PRKCE: variants seen among roughly 807,000 people sequenced by gnomAD.
PRKCE encodes protein kinase C epsilon, also known as protein kinase C epsilon type.
A neutral mutation model predicts 85.4 loss-of-function variants in PRKCE; 16 were observed. The ratio of observed to expected loss-of-function variants is 0.19; its 90% CI spans 0.13 to 0.28. The LOEUF is 0.28. PRKCE is among the 10% of genes least tolerant of loss of function. The pLI, the probability that PRKCE is intolerant of heterozygous loss-of-function variation, is 1.00. For missense variants in PRKCE, 573 were observed against 975.2 expected (o/e 0.59, Z 5.49); for synonymous variants, 388 against 371.5 (o/e 1.04, Z -0.51).
intron 1 of PRKCE, among the ~76,000 whole-genome samples, chr2:45,755,567 T>C (rs1361824441): frequency 1.3e-5 from 2 of 152,186 alleles, no homozygotes; most frequent in African/African-American, 4.8e-5. Flanking sequence ...CTCCACTATA[T>C]TTAGCTCAAA....
intron 2 of PRKCE, among the ~76,000 whole-genome samples, chr2:45,904,940 T>G (rs1297327133): frequency 1.3e-5 from 2 of 152,162 alleles, no homozygotes; most frequent in East Asian, 3.9e-4. Flanking sequence ...GGGGTCCACG[T>G]GTGAGGTCCC....
At chr2:46,165,568 A>T (rs1204937831) in intron 14 of PRKCE, among the ~76,000 whole-genome samples, 2 of 152,232 alleles carry the variant, frequency 1.3e-5, no homozygotes, top group East Asian at 3.8e-4. Flanking sequence ...TCCCAAGATG[A>T]TGGCCTTGTC....
chr2:45,720,785 C>T (rs771161175), intron 1 of PRKCE, among the ~76,000 whole-genome samples: 4 of 152,136 alleles, frequency 2.6e-5, no homozygotes, highest in Non-Finnish European at 4.4e-5. Flanking sequence ...GCTTGGGGCT[C>T]AAGAGCGTTA....
At chr2:45,908,018 C>T (rs375376158) in intron 2 of PRKCE, among the ~76,000 whole-genome samples, 39 of 152,102 alleles carry the variant, frequency 2.6e-4, no homozygotes, top group African/African-American at 7.7e-4. Context: ...ATTTTTGAGA[C>T]GGGGGAAGCA....
chr2:46,098,179 A>AC (rs1485457524), intron 11 of PRKCE, among the ~76,000 whole-genome samples: 1 of 151,976 alleles, frequency 6.6e-6, no homozygotes, highest in Non-Finnish European at 1.5e-5. Context: ...AGAACTGAGA[A>AC]CCCATTATAG....
At chr2:45,667,243 G>T (rs1030772069) in intron 1 of PRKCE, among the ~76,000 whole-genome samples, 7 of 151,182 alleles carry the variant, frequency 4.6e-5, no homozygotes, top group Admixed American at 2.6e-4. Context: ...CCCTGGAGGG[G>T]GAGGTTGCGG....
chr2:46,184,434 A>AACACACACACACACACACAC lies in PRKCE; in HGVS notation c.2068-292_2068-273dup, dbSNP rs3834107. Among the ~76,000 whole-genome samples the AACACACACACACACACACAC allele has an allele frequency of 1.3e-5, 2 of 149,096 alleles. No homozygotes were observed. Among genetic ancestry groups the AACACACACACACACACACAC allele is most frequent in the Non-Finnish European group, 3.0e-5 (2 of 67,228 alleles). ...GGGACCTTTGCATCATACACACACA[A>AACACACACACACACACACAC]ACACACACACACACACACACACACA... On this transcript the variant is annotated intron_variant, in intron 14 of 14. Coordinates refer to ENST00000306156, the MANE Select transcript of PRKCE (RefSeq NM_005400.3). The surrounding 1 kb of genome is among the most constrained non-coding windows in gnomAD (Gnocchi z 5.0).
chr2:46,015,109 A>T (rs1706013932), intron 10 of PRKCE, among the ~76,000 whole-genome samples: 1 of 152,126 alleles, frequency 6.6e-6, no homozygotes. Context: ...TCTAAAACTT[A>T]GGGGCTTGGT....
chr2:45,826,969 G>A (rs1324849347), intron 1 of PRKCE, among the ~76,000 whole-genome samples: 3 of 152,152 alleles, frequency 2.0e-5, no homozygotes, highest in Non-Finnish European at 4.4e-5. Context: ...GTCCTCATGG[G>A]TGCCTGAAGT....
intron 1 of PRKCE, among the ~76,000 whole-genome samples, chr2:45,710,324 C>T (rs962964320): frequency 2.0e-5 from 3 of 152,174 alleles, no homozygotes; most frequent in African/African-American, 7.2e-5. Context: ...GATTTGAACC[C>T]AAATAGTCTG....
At chr2:46,177,471 C>T (rs1558532143) in intron 14 of PRKCE, among the ~76,000 whole-genome samples, 1 of 152,178 alleles carries the variant, frequency 6.6e-6, no homozygotes, top group South Asian at 2.1e-4. Flanking sequence ...CTTTCCTTGC[C>T]TCTTTCAGCT....
At chr2:46,086,450 C>G in intron 11 of PRKCE, 88 bp downstream of exon 11, 1 of 1,445,266 alleles carries the variant, frequency 6.9e-7, no homozygotes, top group Non-Finnish European at 9.3e-7. Flanking sequence ...CCTGCCCACT[C>G]GTCTCTTAGC....
intron 1 of PRKCE, among the ~76,000 whole-genome samples, chr2:45,797,162 C>A (rs1457576257): frequency 6.6e-6 from 1 of 152,146 alleles, no homozygotes; most frequent in African/African-American, 2.4e-5. Context: ...GGTATAGTAT[C>A]ATTAGCTTGT....
intron 10 of PRKCE, among the ~76,000 whole-genome samples, chr2:46,039,330 C>T (rs977156850): frequency 3.3e-5 from 5 of 152,176 alleles, no homozygotes; most frequent in African/African-American, 4.8e-5. Flanking sequence ...TGAGAGCATT[C>T]GTTCCAGGGA....
chr2:45,874,282 A>C (rs1342371908), intron 2 of PRKCE, among the ~76,000 whole-genome samples: 1 of 152,216 alleles, frequency 6.6e-6, no homozygotes, highest in Middle Eastern at 3.2e-3. Context: ...TTTGGTCAAC[A>C]TGCTGGATCC....
At chr2:45,779,690 C>G (rs1573324075) in intron 1 of PRKCE, among the ~76,000 whole-genome samples, 1 of 151,366 alleles carries the variant, frequency 6.6e-6, no homozygotes, top group Non-Finnish European at 1.5e-5. Context: ...GGGGTACATG[C>G]TTTCAGAAGA....
chr2:45,692,564 A>G (rs573869374), intron 1 of PRKCE, among the ~76,000 whole-genome samples: 41 of 152,302 alleles, frequency 2.7e-4, no homozygotes, highest in African/African-American at 9.9e-4. Context: ...TAGGACTTCT[A>G]CATACATTTT....
intron 2 of PRKCE, among the ~76,000 whole-genome samples, chr2:45,960,486 T>C (rs1701298721): frequency 6.6e-6 from 1 of 152,128 alleles, no homozygotes; most frequent in Non-Finnish European, 1.5e-5. Flanking sequence ...GGGAAGGGCA[T>C]TAGATTCTCA....
rs750009110 is a variant in PRKCE, at chr2:45,652,088, C to G, written c.-13C>G. ...AGACGGAGTGACCCCGGCCCCCACT[C>G]CCCGCCCCGACCATGGTAGTGTTCA... On this transcript the variant is annotated 5_prime_UTR_variant, in exon 1 of 15. Transcript: ENST00000306156. The surrounding 1 kb of genome is among the most constrained non-coding windows in gnomAD (Gnocchi z 7.7). 6.8e-7 allele frequency: 1 copy of G among 1,463,432 alleles called. No individual in the cohort carries two copies. 90.7% of individuals were successfully genotyped at this position (1,463,432 alleles called of 1,614,324 possible).
Sources: gnomAD v4.1 joint callset for allele counts (sites outside exome capture counted in the v4.1 genomes callset) on GRCh38, gnomAD v4.1.1 for gene constraint, Gnocchi (gnomAD v3.1) non-coding constraint, MANE v1.5 for transcripts, NCBI Gene and HGNC (gene_info 2026-07-23, HGNC 2026-07-21) for gene names.